The following NDUFV3 variants were observed in gnomAD, a reference collection of about 807,000 sequenced individuals.
NDUFV3 encodes the protein NADH:ubiquinone oxidoreductase subunit V3, also known as NADH dehydrogenase [ubiquinone] flavoprotein 3, mitochondrial.
In NDUFV3, 44 loss-of-function variants were observed where a neutral mutation model predicts 37.5. The observed-to-expected ratio is 1.17, with a 90% confidence interval of 0.92 to 1.51. The LOEUF is 1.51. NDUFV3 is among the 40% of genes most tolerant of loss of function. NDUFV3 has a pLI of 0.00. For missense variants in NDUFV3, 580 were observed against 580.4 expected, an observed-to-expected ratio of 1.00 and a Z score of 0.01; for synonymous variants, 235 against 239.3, an observed-to-expected ratio of 0.98 and a Z score of 0.17.
In NDUFV3 at chr21:42,909,134, A is replaced by AC; in HGVS notation, c.*115dup. The stretch of plus-strand genomic sequence containing the variant: ...GCTGTGCATAATCGGTTTCACTTTT[A>AC]CCTTTTTTTTTTTTTTTTTTTTTTT... On this transcript the variant is annotated 3_prime_UTR_variant, in exon 4 of 4. Coordinates refer to ENST00000354250, the MANE Select transcript of NDUFV3 (RefSeq NM_021075.4). The AC allele has an allele frequency of 1.3e-6, 1 of 756,998 alleles. No individual in the cohort carries two copies. Among genetic ancestry groups the AC allele is most frequent in the Admixed American group, 3.4e-5 (1 of 29,726 alleles). The allele number at this position is 756,998 out of a possible 1,614,324, so 46.9% of individuals were successfully genotyped here. A position where few individuals can be genotyped will look rare whatever the true frequency, so the allele number is the denominator to read the frequency against.
rs2058731733 is a variant in NDUFV3, at chr21:42,904,232, T to C, written c.1220T>C (p.Met407Thr). The change falls in exon 3 of 4, where the codon ATG becomes ACG. Residue 407 changes from methionine (M) to threonine (T), a missense_variant. Physicochemically the swap from Met to Thr is moderately conservative, Grantham distance 81 (BLOSUM62 -1). Coordinates refer to ENST00000354250, the MANE Select transcript of NDUFV3 (RefSeq NM_021075.4). ...AAGCTTGAGGCCGAGGGCGAGGCCA[T>C]GGAAGATGCAGCCGCGCCAGGGGAC... The part of the protein sequence containing the change: ...ALKLEAEGEA[M>T]EDAAAPGDDR... 2.5e-6 allele frequency: 4 copies of C among 1,612,750 alleles called. No homozygotes were observed. The East Asian group carries it at 6.7e-5, about 27-fold the overall frequency.
At position 42,893,352 on chromosome 21, in the gene NDUFV3, C is replaced by CT. The variant is rs1300026873; in HGVS notation, c.20dup (p.Arg8AlafsTer35). 3.9e-6 allele frequency: 6 copies of CT among 1,538,254 alleles called. No individual in the cohort carries two copies. The highest frequency in any genetic ancestry group is 1.4e-5 in the African/African-American group (1 of 72,948). ...CACCGCCATGGCTGCCCCGTGTTTG[C>CT]TGCGGCAAGGACGAGCCGGGGCGCT... On this transcript the variant is annotated frameshift_variant, in exon 1 of 4. Transcript: ENST00000354250. LOFTEE classifies it high-confidence loss of function.
chr21:42,895,986 T>C (rs112966632), intron 1 of NDUFV3, among the ~76,000 whole-genome samples: 2,544 of 139,488 alleles, frequency 0.018, 73 homozygotes, highest in African/African-American at 0.067. Context: ...TTGTTTTTCT[T>C]TTTTTTTTTT....
intron 3 of NDUFV3, among the ~76,000 whole-genome samples, chr21:42,907,497 C>A (rs2058747376): frequency 6.8e-6 from 1 of 146,110 alleles, no homozygotes; most frequent in African/African-American, 2.6e-5. Flanking sequence ...TGTCACCAGG[C>A]TGGAGTGCAG....
At chr21:42,907,573 C>T (rs1238917911) in intron 3 of NDUFV3, among the ~76,000 whole-genome samples, 1 of 151,868 alleles carries the variant, frequency 6.6e-6, no homozygotes, top group African/African-American at 2.4e-5. Flanking sequence ...GCCTCAGCCT[C>T]CTGACATAGC....
rs1314749843 is a variant in NDUFV3 at position 42,911,079 on chromosome 21, CT to C, written c.*2059del. On this transcript the variant is annotated 3_prime_UTR_variant, in exon 4 of 4. Coordinates refer to ENST00000354250, the MANE Select transcript of NDUFV3 (RefSeq NM_021075.4). ...CCAACATGGTGAAACCCTGTGTCTACTAAAAATACAAAAATTAGCCAACTGT... is the reference window on the plus strand; with the variant it reads ...CCAACATGGTGAAACCCTGTGTCTACAAAAATACAAAAATTAGCCAACTGT... The C allele has an allele frequency of 6.6e-6, 1 of 152,220 alleles. No homozygotes were observed. The highest frequency in any genetic ancestry group is 2.4e-5 in the African/African-American group (1 of 41,444). 9.4% of individuals were successfully genotyped at this position (152,220 alleles called of 1,614,324 possible).
chr21:42,910,371 C>G lies in NDUFV3; in HGVS notation c.*1350C>G, dbSNP rs2058764676. Reference sequence around the variant, plus strand: ...CTAATTTTAACTACTGCATTGCAAACAAATTGTATTGCAGTATTTTACCAT... The same window carrying G: ...CTAATTTTAACTACTGCATTGCAAAGAAATTGTATTGCAGTATTTTACCAT... On this transcript the variant is annotated 3_prime_UTR_variant, in exon 4 of 4. Transcript: ENST00000354250. 6.6e-6 allele frequency: 1 copy of G among 152,238 alleles called. No homozygotes were observed. 9.4% of individuals were successfully genotyped at this position (152,238 alleles called of 1,614,324 possible). A position where few individuals can be genotyped will look rare whatever the true frequency, so the allele number is the denominator to read the frequency against.
rs1325139683 is a variant in NDUFV3, at chr21:42,912,617, G to T, written c.*3596G>T. ...ACTAAAAATACAAAAAATTGGCCAG[G>T]TGCGGTGGCTCACGCCTGTAATCCC... is the stretch of plus-strand genomic sequence containing the variant. On this transcript the variant is annotated 3_prime_UTR_variant, in exon 4 of 4. Transcript: ENST00000354250. 6.6e-6 allele frequency: 1 copy of T among 152,454 alleles called. No homozygotes were observed. The highest frequency in any genetic ancestry group is 1.5e-5 in the Non-Finnish European group (1 of 68,254). The allele number at this position is 152,454 out of a possible 1,614,324, so 9.4% of individuals were successfully genotyped here.
Position 42,903,468 on chromosome 21 carries a change from G to A in NDUFV3, c.456G>A (p.Ser152=), listed in dbSNP as rs754242300. ...TGGGTCGGAAAGTGACGTCGCCTTC[G>A]TCTTCATCCTCTTCCAGCTCCTCTG... ...RQVGRKVTSP[S]SSSSSSSSDS... is the part of the protein sequence containing the mutation. The change falls in exon 3 of 4, where the codon TCG becomes TCA. Residue 152 remains serine, a synonymous_variant. Transcript: ENST00000354250. 28 of 1,613,946 alleles carry A rather than the reference G, an allele frequency of 1.7e-5. No homozygotes were observed. Among genetic ancestry groups the A allele is most frequent in the African/African-American group, 4.0e-5 (3 of 74,918 alleles).
chr21:42,908,701 T>C (rs2058753265), intron 3 of NDUFV3, among the ~76,000 whole-genome samples, 163 bp from the exon 4 acceptor site: 1 of 148,018 alleles, frequency 6.8e-6, no homozygotes. Context: ...TGAAGAATGC[T>C]TGGTAGGTAA....
chr21:42,905,880 T>C (rs1203733670), intron 3 of NDUFV3, among the ~76,000 whole-genome samples: 1 of 110,620 alleles, frequency 9.0e-6, no homozygotes, highest in Non-Finnish European at 1.9e-5. Flanking sequence ...TTTTTTTTTT[T>C]GGAGATGGAA....
intron 1 of NDUFV3, among the ~76,000 whole-genome samples, chr21:42,894,219 A>G (rs1444932901): frequency 1.4e-5 from 2 of 142,876 alleles, no homozygotes; most frequent in Non-Finnish European, 3.0e-5. Flanking sequence ...TAAATAAAAT[A>G]AGGCTAAGAC....
chr21:42,896,318 G>T (rs1318881770), intron 1 of NDUFV3, among the ~76,000 whole-genome samples: 2 of 151,916 alleles, frequency 1.3e-5, no homozygotes, highest in South Asian at 4.2e-4. Context: ...CACCATGCCC[G>T]GCTAATTTTT....
intron 2 of NDUFV3, among the ~76,000 whole-genome samples, chr21:42,902,035 C>T (rs139654766): frequency 0.056 from 8,547 of 152,142 alleles, 349 homozygotes; most frequent in Non-Finnish European, 0.088. Flanking sequence ...ATGGAGAAAC[C>T]CTGTCTCTAC....
intron 2 of NDUFV3, among the ~76,000 whole-genome samples, chr21:42,902,240 A>G (rs1303453928): frequency 6.6e-6 from 1 of 152,042 alleles, no homozygotes; most frequent in East Asian, 1.9e-4. Flanking sequence ...AATAAATAAA[A>G]TAAGTAAAAA....
chr21:42,905,186 A>C (rs535616086), intron 3 of NDUFV3, among the ~76,000 whole-genome samples: 1 of 152,308 alleles, frequency 6.6e-6, no homozygotes, highest in East Asian at 1.9e-4. Context: ...GTCACCACTG[A>C]CTTTTGAAGG....
At chr21:42,902,442 C>G (rs978792192) in intron 2 of NDUFV3, among the ~76,000 whole-genome samples, 1 of 151,982 alleles carries the variant, frequency 6.6e-6, no homozygotes, top group African/African-American at 2.4e-5. Flanking sequence ...TGTTTCACAC[C>G]CTAACCCTTT....
At chr21:42,900,999 A>G (rs1045753364) in intron 2 of NDUFV3, among the ~76,000 whole-genome samples, 1 of 152,202 alleles carries the variant, frequency 6.6e-6, no homozygotes, top group Non-Finnish European at 1.5e-5. Flanking sequence ...TTGTTGACTG[A>G]GTAATTTCTG....
In NDUFV3 at chr21:42,911,722, TC is replaced by T. The variant is rs1343613094; in HGVS notation, c.*2705del. ...CCCAGCCATTAACATCTTACAGGAT[TC>T]CCCAGTGGTGGTGGTAGGTGTAACC... On this transcript the variant is annotated 3_prime_UTR_variant, in exon 4 of 4. Transcript: ENST00000354250. 1 of 152,120 alleles carries T rather than the reference TC, an allele frequency of 6.6e-6. No individual in the cohort carries two copies. The highest frequency in any genetic ancestry group is 2.4e-5 in the African/African-American group (1 of 41,428). The allele number at this position is 152,120 out of a possible 1,614,324, so 9.4% of individuals were successfully genotyped here. A position where few individuals can be genotyped will look rare whatever the true frequency, so the allele number is the denominator to read the frequency against.
Sources: allele counts gnomAD v4.1 joint callset (sites outside exome capture counted in the v4.1 genomes callset), GRCh38; gene constraint gnomAD v4.1.1; transcripts MANE v1.5; gene names NCBI Gene and HGNC (gene_info 2026-07-23, HGNC 2026-07-21).